The following NDUFA5 variants were observed in gnomAD, a reference collection of about 807,000 sequenced individuals.
The protein encoded by NDUFA5 is NADH dehydrogenase [ubiquinone] 1 alpha subcomplex subunit 5.
In NDUFA5, 11 loss-of-function variants were observed where a neutral mutation model predicts 19.8. That is an observed-to-expected ratio of 0.56 (90% CI 0.35 to 0.92). The LOEUF (loss-of-function observed/expected upper bound fraction) is 0.92. Ranked by LOEUF, NDUFA5 falls within the 40% of genes least tolerant of loss-of-function variation. The probability of loss-of-function intolerance (pLI) is 0.01; values close to 1 mark genes in which losing one functional copy is unlikely to be tolerated. For synonymous variants in NDUFA5, 47 were observed against 46.8 expected, an observed-to-expected ratio of 1.00 and a Z score of -0.01; for missense variants, 109 against 134.2, an observed-to-expected ratio of 0.81 and a Z score of 0.93.
the NDUFA5 span, among the ~76,000 whole-genome samples, chr7:123,564,118 T>C: frequency 2.6e-5 from 4 of 152,172 alleles, no homozygotes; most frequent in Non-Finnish European, 2.9e-5. Flanking sequence ...GCCTAGAATA[T>C]GTAAGGAACT....
At chr7:123,555,911 T>C (rs184939109) in intron 2 of NDUFA5, 2 of 152,308 alleles carry the variant, frequency 1.3e-5, no homozygotes, top group African/African-American at 2.4e-5. Context: ...CTAACTCTAG[T>C]AGCCTGGCTG....
At chr7:123,546,018 C>T (rs898973256) in intron 3 of NDUFA5, among the ~76,000 whole-genome samples, 1 of 152,048 alleles carries the variant, frequency 6.6e-6, no homozygotes, top group African/African-American at 2.4e-5. Context: ...ATAAATGCTA[C>T]TCTATGACCC....
chr7:123,561,402 C>T (rs901541280), upstream of NDUFA5, among the ~76,000 whole-genome samples: 6 of 152,236 alleles, frequency 3.9e-5, no homozygotes, highest in African/African-American at 1.4e-4. Flanking sequence ...AACTCATCAT[C>T]TGATCAAGTT....
the NDUFA5 span, among the ~76,000 whole-genome samples, chr7:123,589,036 T>A: frequency 6.6e-6 from 1 of 151,898 alleles, no homozygotes; most frequent in Non-Finnish European, 1.5e-5. Flanking sequence ...TGTATTCTTC[T>A]ATGTAATGTT....
At position 123,539,607 on chromosome 7, in the gene NDUFA5, A is replaced by T. The variant is rs1275133756; in HGVS notation, c.*2512T>A. The T allele has an allele frequency of 6.6e-6, 1 of 152,228 alleles. No homozygotes were observed. The allele number at this position is 152,228 out of a possible 1,614,324, so 9.4% of individuals were successfully genotyped here. Reference sequence around the variant, plus strand: ...ATCTCTGAATAAAAGAATCATTTGCAAAGTGATCAGGAGACTTAACCTGGA... The same window carrying T: ...ATCTCTGAATAAAAGAATCATTTGCTAAGTGATCAGGAGACTTAACCTGGA... On this transcript the variant is annotated 3_prime_UTR_variant, in exon 5 of 5. Transcript: ENST00000355749.
chr7:123,550,655 T>A, intron 2 of NDUFA5, 69 bp from the exon 3 acceptor site: 14 of 839,910 alleles, frequency 1.7e-5, no homozygotes, highest in Non-Finnish European at 2.5e-5. Flanking sequence ...AACACTTGTC[T>A]CAAAGACAAA....
chr7:123,599,098 A>C, the NDUFA5 span, among the ~76,000 whole-genome samples: 1 of 152,220 alleles, frequency 6.6e-6, no homozygotes, highest in Non-Finnish European at 1.5e-5. Context: ...ACTGACCCCA[A>C]GGCCAAAATA....
At chr7:123,566,648 AC>A in the NDUFA5 span, among the ~76,000 whole-genome samples, 1 of 152,224 alleles carries the variant, frequency 6.6e-6, no homozygotes, top group Admixed American at 6.5e-5. Context: ...ACATATATGT[AC>A]TAATGACATT....
the NDUFA5 span, among the ~76,000 whole-genome samples, chr7:123,586,941 A>G: frequency 6.6e-6 from 1 of 151,022 alleles, no homozygotes; most frequent in Non-Finnish European, 1.5e-5. Context: ...CTTGTTTACT[A>G]TATCTTTGTC....
chr7:123,557,903 C>T, upstream of NDUFA5: 3 of 1,591,096 alleles, frequency 1.9e-6, no homozygotes, highest in Admixed American at 5.1e-5. Context: ...AGCTTAGCTC[C>T]ACCCCTTCAG....
At chr7:123,601,378 T>C in the NDUFA5 span, among the ~76,000 whole-genome samples, 4 of 152,102 alleles carry the variant, frequency 2.6e-5, no homozygotes, top group African/African-American at 9.7e-5. Context: ...CTAGCAATTA[T>C]TAAACAAAAA....
At chr7:123,579,212 T>A in the NDUFA5 span, among the ~76,000 whole-genome samples, 1 of 152,146 alleles carries the variant, frequency 6.6e-6, no homozygotes, top group Admixed American at 6.6e-5. Flanking sequence ...GTATCCATGT[T>A]GCTGAAAAGG....
At chr7:123,548,620 G>A (rs1334062625) in intron 3 of NDUFA5, among the ~76,000 whole-genome samples, 5 of 152,156 alleles carry the variant, frequency 3.3e-5, no homozygotes, top group Admixed American at 3.3e-4. Flanking sequence ...TAAGTATAGA[G>A]TATAAAACAG....
chr7:123,562,752 A>T (rs1319906205), upstream of NDUFA5, among the ~76,000 whole-genome samples: 1 of 150,852 alleles, frequency 6.6e-6, no homozygotes, highest in African/African-American at 2.4e-5. Context: ...AACTTTCTCC[A>T]TATCAGCAAT....
chr7:123,562,867 G>C (rs189977609), upstream of NDUFA5, among the ~76,000 whole-genome samples: 1 of 146,228 alleles, frequency 6.8e-6, no homozygotes, highest in South Asian at 2.1e-4. Flanking sequence ...GCACGATCTC[G>C]CCTCACTGCA....
chr7:123,593,390 G>GT, the NDUFA5 span, among the ~76,000 whole-genome samples: 2,571 of 152,236 alleles, frequency 0.017, 66 homozygotes, highest in African/African-American at 0.058. Context: ...AATTTGGCAT[G>GT]TTTTTGCAGT....
At position 123,541,444 on chromosome 7, in the gene NDUFA5, T is replaced by C. The variant is rs1263425660; in HGVS notation, c.*675A>G. 6.6e-6 allele frequency: 1 copy of C among 152,206 alleles called. No individual in the cohort carries two copies. The highest frequency in any genetic ancestry group is 2.4e-5 in the African/African-American group (1 of 41,456). The allele number at this position is 152,206 out of a possible 1,614,324, so 9.4% of individuals were successfully genotyped here. On this transcript the variant is annotated 3_prime_UTR_variant, in exon 5 of 5. Coordinates refer to ENST00000355749, the MANE Select transcript of NDUFA5 (RefSeq NM_005000.5). ...TCTTTAACTGTACAATGTATTCTAA[T>C]TTGAAGGTTTTCAAATATAATACAG...
chr7:123,563,985 G>T, the NDUFA5 span, among the ~76,000 whole-genome samples: 1 of 152,108 alleles, frequency 6.6e-6, no homozygotes, highest in African/African-American at 2.4e-5. Context: ...AAAAAAGGTT[G>T]GTGAATTTGA....
intron 4 of NDUFA5, 91 bp from the exon 5 acceptor site, chr7:123,542,311 T>A (rs1797971026): frequency 1.2e-6 from 1 of 837,058 alleles, no homozygotes; most frequent in South Asian, 1.7e-5. Context: ...TAGTTACTAC[T>A]TTCATTTAAT....
Sources: gnomAD v4.1 joint callset for allele counts (sites outside exome capture counted in the v4.1 genomes callset) on GRCh38, gnomAD v4.1.1 for gene constraint, MANE v1.5 for transcripts, NCBI Gene and HGNC (gene_info 2026-07-23, HGNC 2026-07-21) for gene names.